The following SRBD1 variants were observed in gnomAD, a reference collection of about 807,000 sequenced individuals.
SRBD1 encodes the protein S1 RNA binding domain 1.
SRBD1 carries 88 observed loss-of-function variants against 115.3 expected under a neutral mutation model. The observed-to-expected ratio is 0.76, with a 90% confidence interval of 0.64 to 0.91. SRBD1 has a LOEUF of 0.91. Among genes scored for constraint, SRBD1 ranks in the 40% least tolerant of loss-of-function variants. The pLI, the probability that SRBD1 is intolerant of heterozygous loss-of-function variation, is 0.00. For missense variants in SRBD1, 1,385 were observed against 1,177.4 expected (o/e 1.18, Z -2.58); for synonymous variants, 509 against 407.7 (o/e 1.25, Z -2.99).
At chr2:45,567,522 T>C (rs1241623284) in intron 9 of SRBD1, among the ~76,000 whole-genome samples, 1 of 151,814 alleles carries the variant, frequency 6.6e-6, no homozygotes, top group Non-Finnish European at 1.5e-5. Flanking sequence ...AGTGGGAGAA[T>C]GCCTTCAGCC....
At chr2:45,592,338 A>G (rs1028024608) in intron 4 of SRBD1, among the ~76,000 whole-genome samples, 1 of 152,026 alleles carries the variant, frequency 6.6e-6, no homozygotes, top group South Asian at 2.1e-4. Context: ...AACACACACC[A>G]TGTACTCACC....
At chr2:45,542,088 G>A (rs1315410133) in intron 14 of SRBD1, among the ~76,000 whole-genome samples, 1 of 152,214 alleles carries the variant, frequency 6.6e-6, no homozygotes, top group African/African-American at 2.4e-5. Context: ...GGCTGTTTGT[G>A]CCAGGGGACA....
At chr2:45,561,679 C>T (rs1480540195) in intron 10 of SRBD1, among the ~76,000 whole-genome samples, 1 of 152,014 alleles carries the variant, frequency 6.6e-6, no homozygotes, top group Non-Finnish European at 1.5e-5. Flanking sequence ...ATCTGCTCTA[C>T]CAACTAAATA....
intron 14 of SRBD1, among the ~76,000 whole-genome samples, chr2:45,522,893 G>A (rs548219402): frequency 5.7e-4 from 86 of 152,186 alleles, no homozygotes; most frequent in African/African-American, 1.8e-3. Context: ...CCAGTCAACA[G>A]TAAGCTATTA....
chr2:45,506,109 A>G (rs548991359), intron 14 of SRBD1, among the ~76,000 whole-genome samples: 1 of 152,308 alleles, frequency 6.6e-6, no homozygotes, highest in African/African-American at 2.4e-5. Context: ...GAAGCATACA[A>G]ATCAGTGATT....
intron 19 of SRBD1, among the ~76,000 whole-genome samples, chr2:45,409,249 C>G (rs111923443): frequency 2.0e-5 from 3 of 151,548 alleles, no homozygotes; most frequent in African/African-American, 7.3e-5. Flanking sequence ...TCTCCCCCTC[C>G]CCCCAAAAAA....
intron 14 of SRBD1, among the ~76,000 whole-genome samples, chr2:45,529,387 G>C (rs534422110): frequency 1.3e-5 from 2 of 151,886 alleles, no homozygotes; most frequent in Admixed American, 6.6e-5. Context: ...ATATTTCAAA[G>C]GCCCAATATG....
chr2:45,423,846 C>T (rs949837533), intron 16 of SRBD1, among the ~76,000 whole-genome samples: 14 of 152,082 alleles, frequency 9.2e-5, no homozygotes, highest in Admixed American at 6.5e-5. Flanking sequence ...TTGACATACA[C>T]GACATACATA....
intron 14 of SRBD1, among the ~76,000 whole-genome samples, chr2:45,504,116 C>T (rs1270619110): frequency 6.6e-6 from 1 of 152,106 alleles, no homozygotes; most frequent in Non-Finnish European, 1.5e-5. Context: ...GTCCTCATTG[C>T]CTTCTAATTG....
intron 8 of SRBD1, among the ~76,000 whole-genome samples, chr2:45,573,829 C>T (rs1348252016): frequency 6.6e-6 from 1 of 152,136 alleles, no homozygotes; most frequent in Non-Finnish European, 1.5e-5. Flanking sequence ...AATTATTTTG[C>T]TTCAACTCAT....
At chr2:45,509,053 C>A (rs1306624421) in intron 14 of SRBD1, among the ~76,000 whole-genome samples, 1 of 152,058 alleles carries the variant, frequency 6.6e-6, no homozygotes, top group African/African-American at 2.4e-5. Context: ...CCACCAAATC[C>A]ATTAAAATTT....
At chr2:45,561,582 T>C (rs1012384958) in intron 10 of SRBD1, among the ~76,000 whole-genome samples, 3 of 152,198 alleles carry the variant, frequency 2.0e-5, no homozygotes, top group Non-Finnish European at 4.4e-5. Context: ...ATGAACTTTA[T>C]CAAAATTTAC....
chr2:45,427,972 C>CT (rs1225657074), intron 16 of SRBD1, among the ~76,000 whole-genome samples: 2 of 152,294 alleles, frequency 1.3e-5, no homozygotes, highest in Admixed American at 1.3e-4. Context: ...GTATTCAGGA[C>CT]TTGAACTCAG....
intron 1 of SRBD1, among the ~76,000 whole-genome samples, chr2:45,609,342 G>T (rs1163595951): frequency 6.6e-6 from 1 of 151,994 alleles, no homozygotes; most frequent in East Asian, 1.9e-4. Context: ...CCTCCAAAAT[G>T]TCTTGAATCT....
At chr2:45,457,582 T>C (rs1293353777) in intron 16 of SRBD1, among the ~76,000 whole-genome samples, 2 of 152,040 alleles carry the variant, frequency 1.3e-5, no homozygotes, top group African/African-American at 4.8e-5. Flanking sequence ...GAAACAAATC[T>C]TGCCTTGATA....
chr2:45,499,173 TTTTGA>T (rs1248628293), intron 14 of SRBD1, among the ~76,000 whole-genome samples: 2 of 152,194 alleles, frequency 1.3e-5, no homozygotes, highest in Non-Finnish European at 1.5e-5. Context: ...TTTTTTACCT[TTTTGA>T]TAAGTCATTC....
chr2:45,427,739 A>G (rs1011236115), intron 16 of SRBD1, among the ~76,000 whole-genome samples: 5 of 152,192 alleles, frequency 3.3e-5, no homozygotes, highest in Non-Finnish European at 7.3e-5. Context: ...AACCGATTCC[A>G]GCAGTACATC....
intron 1 of SRBD1, among the ~76,000 whole-genome samples, chr2:45,605,749 G>A (rs1271647994): frequency 2.0e-5 from 3 of 151,816 alleles, no homozygotes; most frequent in Non-Finnish European, 4.4e-5. Context: ...ACTAAAAATA[G>A]AAAAATTAGC....
intron 14 of SRBD1, among the ~76,000 whole-genome samples, chr2:45,522,174 G>T (rs1558452255): frequency 6.6e-6 from 1 of 151,812 alleles, no homozygotes; most frequent in Non-Finnish European, 1.5e-5. Context: ...ATAAAAAAAT[G>T]CTCCAAAATC....
Sources: gnomAD v4.1 joint callset for allele counts (sites outside exome capture counted in the v4.1 genomes callset) on GRCh38, gnomAD v4.1.1 for gene constraint, MANE v1.5 for transcripts, NCBI Gene and HGNC (gene_info 2026-07-23, HGNC 2026-07-21) for gene names.